CDH7: variants seen among roughly 807,000 people sequenced by gnomAD.
The protein encoded by CDH7 is cadherin 7, also known as cadherin-7.
CDH7 carries 25 observed loss-of-function variants against 71.8 expected under a neutral mutation model. The observed-to-expected ratio is 0.35, with a 90% CI of 0.25 to 0.49. CDH7 has a LOEUF of 0.49. CDH7 is among the 20% of genes least tolerant of loss of function. The probability of loss-of-function intolerance (pLI) is 0.99; values close to 1 mark genes in which losing one functional copy is unlikely to be tolerated. For synonymous variants in CDH7, 381 were observed against 363.8 expected, an observed-to-expected ratio of 1.05 and a Z score of -0.54; for missense variants, 862 against 974.6, an observed-to-expected ratio of 0.88 and a Z score of 1.54.
chr18:65,832,238 A>T (rs1321107626), intron 6 of CDH7, among the ~76,000 whole-genome samples: 1 of 152,024 alleles, frequency 6.6e-6, no homozygotes, highest in African/African-American at 2.4e-5. Flanking sequence ...GTATAATAAG[A>T]TGTATTCCAG....
chr18:65,754,726 C>A (rs529349850), intron 1 of CDH7, among the ~76,000 whole-genome samples: 8 of 152,052 alleles, frequency 5.3e-5, no homozygotes, highest in Non-Finnish European at 1.2e-4. Flanking sequence ...CTTATTTTGC[C>A]AAACAAAATG....
At chr18:65,829,775 A>AGGGTGTGT (rs1912270403) in intron 6 of CDH7, among the ~76,000 whole-genome samples, 1 of 138,124 alleles carries the variant, frequency 7.2e-6, no homozygotes, top group Admixed American at 7.3e-5. Flanking sequence ...CAAGGAAGGG[A>AGGGTGTGT]GTGTGTGTGT....
intron 2 of CDH7, among the ~76,000 whole-genome samples, chr18:65,806,427 C>T (rs996282804): frequency 2.0e-5 from 3 of 151,884 alleles, no homozygotes; most frequent in Non-Finnish European, 4.4e-5. Context: ...TTAGGCTAAT[C>T]TCAGGTTCAC....
At chr18:65,783,740 A>T (rs1022635426) in intron 2 of CDH7, among the ~76,000 whole-genome samples, 3 of 152,098 alleles carry the variant, frequency 2.0e-5, no homozygotes, top group Admixed American at 6.6e-5. Context: ...TTTCATGAAA[A>T]TCCTGACTAC....
rs1057277196 is a variant in CDH7 at position 65,762,730 on chromosome 18, G to C, written c.-113G>C. ...CAACACTCTACAGATTATTATCTCT[G>C]GACTCCCAGCTGACACCCTGCCGGA... On this transcript the variant is annotated 5_prime_UTR_variant, in exon 2 of 12. Transcript: ENST00000397968. 2.6e-6 allele frequency: 2 copies of C among 758,110 alleles called. No individual in the cohort carries two copies. The highest frequency in any genetic ancestry group is 3.5e-5 in the African/African-American group (2 of 56,460). The allele number at this position is 758,110 out of a possible 1,614,324, so 47.0% of individuals were successfully genotyped here.
intron 6 of CDH7, among the ~76,000 whole-genome samples, chr18:65,825,158 A>T (rs563212277): frequency 2.6e-5 from 4 of 151,942 alleles, no homozygotes; most frequent in Admixed American, 1.3e-4. Flanking sequence ...CACTAATGAA[A>T]CCCTAAATTC....
At chr18:65,799,826 G>A (rs893692136) in intron 2 of CDH7, among the ~76,000 whole-genome samples, 1 of 152,078 alleles carries the variant, frequency 6.6e-6, no homozygotes, top group Non-Finnish European at 1.5e-5. Context: ...ATGAACTATG[G>A]CAAAAAGGAA....
Position 65,883,242 on chromosome 18 carries a change from A to T in CDH7, c.*2348A>T, listed in dbSNP as rs1056882039. On this transcript the variant is annotated 3_prime_UTR_variant, in exon 12 of 12. Transcript: ENST00000397968. ...TGGTATTTTTTAATTAAAAAAATTA[A>T]TTTAAAAAATTAATTTTTGAGATGG... The T allele has an allele frequency of 6.6e-6, 1 of 152,048 alleles. No individual in the cohort carries two copies. The highest frequency in any genetic ancestry group is 2.4e-5 in the African/African-American group (1 of 41,426). The allele number at this position is 152,048 out of a possible 1,614,324, so 9.4% of individuals were successfully genotyped here. A position where few individuals can be genotyped will look rare whatever the true frequency, so the allele number is the denominator to read the frequency against.
intron 10 of CDH7, among the ~76,000 whole-genome samples, chr18:65,860,243 G>A (rs184162358): frequency 5.3e-5 from 8 of 152,102 alleles, no homozygotes; most frequent in Admixed American, 2.0e-4. Context: ...TAATGTTTTC[G>A]ATAATACCCC....
rs7233733 is a variant in CDH7, at chr18:65,776,403, G to C, written c.210+13351G>C. 9.2e-3 allele frequency among the ~76,000 whole-genome samples: 1,239 copies of C among 134,174 alleles called. 12 individuals carry two copies. Among genetic ancestry groups the C allele is most frequent in the African/African-American group, 0.033 (1,029 of 31,294 alleles). 88.0% of individuals were successfully genotyped at this position (134,174 alleles called of 152,430 possible). ...ACACACACACACACACACACACACA[G>C]AGAGAGAGAGAGGGAAGAGAGAGAA... On this transcript the variant is annotated intron_variant, in intron 2 of 11. Coordinates refer to ENST00000397968, the MANE Select transcript of CDH7 (RefSeq NM_004361.5).
In CDH7 at chr18:65,757,044, G is replaced by GTTT. The variant is rs35923381; in HGVS notation, c.-196-5591_-196-5589dup. ...GTAATTGATATGCTAATGCATAACA[G>GTTT]TTTTTTTTTTTTTTGCATGAAAGGA... On this transcript the variant is annotated intron_variant, in intron 1 of 11. Transcript: ENST00000397968. 1.8e-3 allele frequency among the ~76,000 whole-genome samples: 253 copies of GTTT among 143,956 alleles called. 1 individual carries two copies. The highest frequency in any genetic ancestry group is 6.1e-3 in the African/African-American group (241 of 39,762). The allele number at this position is 143,956 out of a possible 152,430, so 94.4% of individuals were successfully genotyped here. A position where few individuals can be genotyped will look rare whatever the true frequency, so the allele number is the denominator to read the frequency against.
Position 65,824,675 on chromosome 18 carries a change from A to G in CDH7, c.825A>G (p.Leu275=). Residue 275 remains leucine (L), a synonymous_variant, in exon 6 of 12, where the codon TTA becomes TTG. Coordinates refer to ENST00000397968, the MANE Select transcript of CDH7 (RefSeq NM_004361.5). ...ATCAATATAACGTCCCAGAGTCATTACCTGTAGCCTCAGTTGTGGCCAGAA... is the reference window on the plus strand; with the variant it reads ...ATCAATATAACGTCCCAGAGTCATTGCCTGTAGCCTCAGTTGTGGCCAGAA... ...RSYQYNVPES[L]PVASVVARIK... 6.2e-7 allele frequency: 1 copy of G among 1,606,560 alleles called. No individual in the cohort carries two copies. Among genetic ancestry groups the G allele is most frequent in the Non-Finnish European group, 8.5e-7 (1 of 1,175,454 alleles).
At chr18:65,795,309 A>G (rs994689447) in intron 2 of CDH7, among the ~76,000 whole-genome samples, 1 of 152,114 alleles carries the variant, frequency 6.6e-6, no homozygotes, top group African/African-American at 2.4e-5. Flanking sequence ...TTTTTTCCCC[A>G]ACAGCAAAGG....
intron 4 of CDH7, among the ~76,000 whole-genome samples, chr18:65,819,336 A>C (rs1190381934): frequency 1.3e-5 from 2 of 152,160 alleles, no homozygotes; most frequent in East Asian, 3.9e-4. Context: ...GAGTTCGGGC[A>C]CGCTGCCTGT....
chr18:65,824,405 T>C (rs1225402872), intron 5 of CDH7, among the ~76,000 whole-genome samples: 1 of 151,868 alleles, frequency 6.6e-6, no homozygotes, highest in Admixed American at 6.6e-5. Context: ...GAATTAGAGA[T>C]TCTTCTCTTG....
chr18:65,829,435 C>A (rs1238215973), intron 6 of CDH7, among the ~76,000 whole-genome samples: 1 of 146,552 alleles, frequency 6.8e-6, no homozygotes, highest in African/African-American at 2.5e-5. Context: ...GATGAGATAT[C>A]TGAAACGTTG....
Position 65,822,328 on chromosome 18 carries a change from T to C in CDH7, c.793+80T>C, listed in dbSNP as rs185902236. 15 of 1,084,608 alleles carry C rather than the reference T, an allele frequency of 1.4e-5. No homozygotes were observed. The Admixed American group carries it at 1.6e-4, about 11-fold the overall frequency. 67.2% of individuals were successfully genotyped at this position (1,084,608 alleles called of 1,614,324 possible). On this transcript the variant is annotated intron_variant, in intron 5 of 11. Coordinates refer to ENST00000397968, the MANE Select transcript of CDH7 (RefSeq NM_004361.5). ...AAATACATCTTTAAAATGACTTTTTTTCAAATACTTCTAAAGCAAATAATT... is the reference window on the plus strand; with the variant it reads ...AAATACATCTTTAAAATGACTTTTTCTCAAATACTTCTAAAGCAAATAATT...
intron 11 of CDH7, among the ~76,000 whole-genome samples, chr18:65,877,129 G>A (rs2628205): frequency 0.15 from 23,298 of 151,910 alleles, 3,463 homozygotes; most frequent in African/African-American, 0.39. Flanking sequence ...GCGCTTACAT[G>A]GTTAGAAATT....
At chr18:65,811,580 A>C (rs1911536393) in intron 3 of CDH7, among the ~76,000 whole-genome samples, 1 of 152,168 alleles carries the variant, frequency 6.6e-6, no homozygotes, top group African/African-American at 2.4e-5. Flanking sequence ...TACCAACAAG[A>C]GCAGCAGCAA....
Sources: gnomAD v4.1 joint callset for allele counts (sites outside exome capture counted in the v4.1 genomes callset) on GRCh38, gnomAD v4.1.1 for gene constraint, MANE v1.5 for transcripts, NCBI Gene and HGNC (gene_info 2026-07-23, HGNC 2026-07-21) for gene names.